Variants in SERPINI1 observed in about 807,000 individuals in gnomAD.
SERPINI1 encodes serpin family I member 1.
Under a neutral mutation model 41.1 loss-of-function variants are expected in SERPINI1, and 19 were observed. The observed-to-expected ratio is 0.46, with a 90% confidence interval of 0.32 to 0.68. The LOEUF (loss-of-function observed/expected upper bound fraction) is 0.68. SERPINI1 is among the 30% of genes least tolerant of loss of function. The probability of loss-of-function intolerance (pLI) is 0.03; values close to 1 mark genes in which losing one functional copy is unlikely to be tolerated. For missense variants in SERPINI1, 460 were observed against 479.2 expected (o/e 0.96, Z 0.37); for synonymous variants, 138 against 156.6 (o/e 0.88, Z 0.89).
intron 1 of SERPINI1, among the ~76,000 whole-genome samples, chr3:167,780,853 A>G (rs1003942804): frequency 6.6e-6 from 1 of 152,204 alleles, no homozygotes; most frequent in Non-Finnish European, 1.5e-5. Flanking sequence ...ACCAATGGAA[A>G]CAATTCAACT....
chr3:167,809,777 AAAAG>A, intron 6 of SERPINI1, among the ~76,000 whole-genome samples: 1 of 152,164 alleles, frequency 6.6e-6, no homozygotes. Flanking sequence ...TGAAGGGTAA[AAAAG>A]ATGAGGGGAA....
chr3:167,746,210 C>T (rs754159012), intron 1 of SERPINI1, among the ~76,000 whole-genome samples: 15 of 152,000 alleles, frequency 9.9e-5, no homozygotes, highest in East Asian at 3.9e-4. Context: ...CACATGATAC[C>T]GAGGCAACTG....
intron 6 of SERPINI1, among the ~76,000 whole-genome samples, chr3:167,818,317 C>T (rs1391769266): frequency 1.3e-5 from 2 of 152,000 alleles, no homozygotes; most frequent in African/African-American, 4.8e-5. Context: ...TGTGAGCCAC[C>T]GCGCCCGGCC....
chr3:167,824,652 A>G lies in SERPINI1; in HGVS notation c.1156+90A>G, dbSNP rs1472279063. ...GATTTTTTTCCTCAGTACTCATCAT[A>G]TAATTTCTTTTCACAATTTTATTTA... On this transcript the variant is annotated intron_variant, in intron 8 of 8. Coordinates refer to ENST00000446050, the MANE Select transcript of SERPINI1 (RefSeq NM_001122752.2). 12 of 740,746 alleles carry G rather than the reference A, an allele frequency of 1.6e-5. No individual in the cohort carries two copies. Among genetic ancestry groups the G allele is most frequent in the Non-Finnish European group, 2.8e-5 (12 of 436,318 alleles). 45.9% of individuals were successfully genotyped at this position (740,746 alleles called of 1,614,324 possible). A position where few individuals can be genotyped will look rare whatever the true frequency, so the allele number is the denominator to read the frequency against.
At chr3:167,811,928 T>C (rs542990323) in intron 6 of SERPINI1, among the ~76,000 whole-genome samples, 2 of 152,352 alleles carry the variant, frequency 1.3e-5, no homozygotes, top group South Asian at 4.1e-4. Flanking sequence ...ATTATATTGT[T>C]ACTTTCTTAA....
Position 167,807,356 on chromosome 3 carries a change from C to T in SERPINI1, c.979+15C>T. ...AGGCCTCTCTGGTAAGAAATAAACA[C>T]AAATTTTTAAAAATGTTATTCCATA... On this transcript the variant is annotated intron_variant, in intron 6 of 8. Coordinates refer to ENST00000446050, the MANE Select transcript of SERPINI1 (RefSeq NM_001122752.2). 2.0e-6 allele frequency: 3 copies of T among 1,480,324 alleles called. No individual in the cohort carries two copies. Among genetic ancestry groups the T allele is most frequent in the Non-Finnish European group, 2.8e-6 (3 of 1,059,820 alleles). The allele number at this position is 1,480,324 out of a possible 1,614,324, so 91.7% of individuals were successfully genotyped here. A position where few individuals can be genotyped will look rare whatever the true frequency, so the allele number is the denominator to read the frequency against.
chr3:167,820,920 C>T (rs1392724597), intron 6 of SERPINI1, among the ~76,000 whole-genome samples: 3 of 152,174 alleles, frequency 2.0e-5, no homozygotes, highest in Admixed American at 6.5e-5. Context: ...TACTTCCTCC[C>T]CTCTGAAGCC....
Position 167,815,343 on chromosome 3 carries a change from T to C in SERPINI1, c.980-7643T>C, listed in dbSNP as rs188822446. Among the ~76,000 whole-genome samples the C allele has an allele frequency of 2.0e-4, 30 of 152,292 alleles. No individual in the cohort carries two copies. In the East Asian group the frequency reaches 2.7e-3, roughly 14 times the overall value. On this transcript the variant is annotated intron_variant, in intron 6 of 8. Transcript: ENST00000446050. ...CAAGAAAAAAAGGCTTCATTTTCTT[T>C]TTTTCCCCTTAGTACCTGTGATGTG...
chr3:167,772,124 A>G (rs1215678369), intron 1 of SERPINI1, among the ~76,000 whole-genome samples: 1 of 152,172 alleles, frequency 6.6e-6, no homozygotes, highest in African/African-American at 2.4e-5. Context: ...CCATCTACCT[A>G]TAGGCTTGTT....
chr3:167,783,661 C>T (rs187951365), intron 1 of SERPINI1, among the ~76,000 whole-genome samples: 1 of 152,202 alleles, frequency 6.6e-6, no homozygotes, highest in Admixed American at 6.5e-5. Flanking sequence ...CTCCCTCCAG[C>T]GCCCACCCAG....
Position 167,816,603 on chromosome 3 carries a change from A to G in SERPINI1, c.980-6383A>G, listed in dbSNP as rs79203038. Among the ~76,000 whole-genome samples, 11 of 152,342 alleles carry G rather than the reference A, an allele frequency of 7.2e-5. No individual in the cohort carries two copies. The East Asian group carries it at 1.9e-3, about 27-fold the overall frequency. On this transcript the variant is annotated intron_variant, in intron 6 of 8. Coordinates refer to ENST00000446050, the MANE Select transcript of SERPINI1 (RefSeq NM_001122752.2). ...CTGCTATATGCCAGAAGACAAGGTT[A>G]CTAAGAAAAATGACACAATCCTTGC...
chr3:167,811,363 A>G (rs1327242339), intron 6 of SERPINI1, among the ~76,000 whole-genome samples: 1 of 151,774 alleles, frequency 6.6e-6, no homozygotes, highest in Non-Finnish European at 1.5e-5. Flanking sequence ...CCTATACTGG[A>G]GAAAGCATGT....
At chr3:167,804,518 A>C (rs1249773931) in intron 5 of SERPINI1, among the ~76,000 whole-genome samples, 1 of 152,234 alleles carries the variant, frequency 6.6e-6, no homozygotes, top group Non-Finnish European at 1.5e-5. Context: ...AAATAAAAGT[A>C]ATAAATGCCT....
At chr3:167,745,601 T>C (rs1725839328) in intron 1 of SERPINI1, among the ~76,000 whole-genome samples, 2 of 151,990 alleles carry the variant, frequency 1.3e-5, no homozygotes, top group African/African-American at 4.8e-5. Context: ...AAAGCTCCCA[T>C]ACTAGAAAGG....
chr3:167,816,376 T>G (rs1449323414), intron 6 of SERPINI1, among the ~76,000 whole-genome samples: 1 of 152,192 alleles, frequency 6.6e-6, no homozygotes, highest in Non-Finnish European at 1.5e-5. Context: ...TAACCATAAT[T>G]ATGAACAGAG....
chr3:167,772,836 C>CTT (rs1726809785), intron 1 of SERPINI1, among the ~76,000 whole-genome samples: 1 of 17,822 alleles, frequency 5.6e-5, no homozygotes, highest in Admixed American at 8.6e-4. Flanking sequence ...CTCTCTCTCT[C>CTT]TCTCTCTCTC....
At chr3:167,742,051 A>C (rs1239187146) in intron 1 of SERPINI1, among the ~76,000 whole-genome samples, 3 of 152,138 alleles carry the variant, frequency 2.0e-5, no homozygotes, top group African/African-American at 4.8e-5. Flanking sequence ...TATCTAGATA[A>C]GAAGAAAAAG....
chr3:167,765,926 A>G (rs1378115103), intron 1 of SERPINI1, among the ~76,000 whole-genome samples: 1 of 152,162 alleles, frequency 6.6e-6, no homozygotes, highest in African/African-American at 2.4e-5. Context: ...TGCAGTTCCC[A>G]ATAAGCTCAT....
intron 1 of SERPINI1, among the ~76,000 whole-genome samples, chr3:167,747,087 A>G (rs1324092434): frequency 1.3e-5 from 2 of 152,234 alleles, no homozygotes; most frequent in Non-Finnish European, 2.9e-5. Flanking sequence ...ATATTATTTG[A>G]CGATTAAAAG....
Sources: allele counts gnomAD v4.1 joint callset (sites outside exome capture counted in the v4.1 genomes callset), GRCh38; gene constraint gnomAD v4.1.1; transcripts MANE v1.5; gene names NCBI Gene and HGNC (gene_info 2026-07-23, HGNC 2026-07-21).